The following SCAPER variants were observed in gnomAD, a reference collection of about 807,000 sequenced individuals.
The protein encoded by SCAPER is S phase cyclin A-associated protein in the endoplasmic reticulum.
In SCAPER, 98 loss-of-function variants were observed where a neutral mutation model predicts 182.2. That is an observed-to-expected ratio of 0.54 (90% CI 0.46 to 0.64). The LOEUF (loss-of-function observed/expected upper bound fraction) is 0.64. Among genes scored for constraint, SCAPER ranks in the 30% least tolerant of loss-of-function variants. The probability of loss-of-function intolerance (pLI) is 0.00; values close to 1 mark genes in which losing one functional copy is unlikely to be tolerated. For synonymous variants in SCAPER, 605 were observed against 564.6 expected, an observed-to-expected ratio of 1.07 and a Z score of -1.01; for missense variants, 1,432 against 1,690.0, an observed-to-expected ratio of 0.85 and a Z score of 2.68.
intron 26 of SCAPER, among the ~76,000 whole-genome samples, chr15:76,407,061 T>C (rs2142172199): frequency 6.6e-6 from 1 of 152,114 alleles, no homozygotes; most frequent in Middle Eastern, 3.4e-3. Flanking sequence ...TAAAGCCAAG[T>C]AGAGATAAGT....
intron 24 of SCAPER, among the ~76,000 whole-genome samples, chr15:76,494,755 GA>G (rs1281299982): frequency 4.0e-5 from 6 of 151,870 alleles, no homozygotes; most frequent in African/African-American, 1.5e-4. Flanking sequence ...TGATTGATAA[GA>G]TATTCTATCT....
At chr15:76,609,994 T>C (rs1446435563) in intron 22 of SCAPER, among the ~76,000 whole-genome samples, 1 of 151,814 alleles carries the variant, frequency 6.6e-6, no homozygotes, top group Admixed American at 6.5e-5. Flanking sequence ...TCTGGTGAAA[T>C]AGTTTTTTCT....
intron 27 of SCAPER, among the ~76,000 whole-genome samples, chr15:76,402,114 G>T (rs1317686488): frequency 6.6e-6 from 1 of 152,102 alleles, no homozygotes; most frequent in Non-Finnish European, 1.5e-5. Flanking sequence ...GCGACAGAGT[G>T]AGTAAGATTC....
At chr15:76,603,601 A>G (rs374807288) in intron 22 of SCAPER, among the ~76,000 whole-genome samples, 1 of 121,866 alleles carries the variant, frequency 8.2e-6, no homozygotes, top group Admixed American at 9.3e-5. Flanking sequence ...CTGAGGAATC[A>G]CCACACTGAC....
chr15:76,381,980 C>T (rs946532049), intron 27 of SCAPER, among the ~76,000 whole-genome samples: 2 of 152,182 alleles, frequency 1.3e-5, no homozygotes, highest in Non-Finnish European at 2.9e-5. Context: ...GCCAAAAACA[C>T]TCCTAGCTTC....
chr15:76,504,122 A>G (rs374087472), intron 24 of SCAPER, among the ~76,000 whole-genome samples: 3 of 152,196 alleles, frequency 2.0e-5, no homozygotes, highest in East Asian at 3.9e-4. Flanking sequence ...TTCTGGCCTC[A>G]AGTGATCCTC....
At chr15:76,760,709 G>C (rs879314856) in intron 14 of SCAPER, among the ~76,000 whole-genome samples, 2 of 152,138 alleles carry the variant, frequency 1.3e-5, no homozygotes, top group Non-Finnish European at 2.9e-5. Context: ...CTCTGTTTCA[G>C]ATGCTCTTAT....
intron 16 of SCAPER, among the ~76,000 whole-genome samples, chr15:76,730,900 C>T (rs2060886405): frequency 6.6e-6 from 1 of 152,048 alleles, no homozygotes. Context: ...CAGACCAACT[C>T]CAACATTGTA....
chr15:76,701,741 A>C lies in SCAPER; in HGVS notation c.2508+17T>G, dbSNP rs2058963062. The C allele has an allele frequency of 6.3e-7, 1 of 1,595,818 alleles. No individual in the cohort carries two copies. The highest frequency in any genetic ancestry group is 8.6e-7 in the Non-Finnish European group (1 of 1,163,690). On this transcript the variant is annotated intron_variant, in intron 20 of 31. Transcript: ENST00000563290. The stretch of plus-strand genomic sequence containing the variant: ...GTACTCAATAAACAATTGTAAATGA[A>C]CAAAAATAAAGTTTACCACTTCTTC...
At chr15:76,687,093 G>C (rs1330984307) in intron 20 of SCAPER, among the ~76,000 whole-genome samples, 1 of 152,038 alleles carries the variant, frequency 6.6e-6, no homozygotes, top group Non-Finnish European at 1.5e-5. Flanking sequence ...TAAATCTTTG[G>C]AATACATAAA....
At chr15:76,711,905 G>T (rs1243254283) in intron 17 of SCAPER, among the ~76,000 whole-genome samples, 3 of 152,064 alleles carry the variant, frequency 2.0e-5, no homozygotes, top group African/African-American at 7.2e-5. Flanking sequence ...CACTCTGATG[G>T]CAGTTTCTTT....
At chr15:76,826,243 T>A (rs1355270662) in intron 5 of SCAPER, among the ~76,000 whole-genome samples, 1 of 151,794 alleles carries the variant, frequency 6.6e-6, no homozygotes, top group Non-Finnish European at 1.5e-5. Context: ...TAAAAAATGA[T>A]GAGTTCATGT....
chr15:76,617,404 A>C (rs1298619224), intron 22 of SCAPER, among the ~76,000 whole-genome samples: 1 of 152,228 alleles, frequency 6.6e-6, no homozygotes, highest in African/African-American at 2.4e-5. Flanking sequence ...TTGCATCAGT[A>C]ATTACTTGCT....
chr15:76,654,308 T>C (rs1345061234), intron 21 of SCAPER, among the ~76,000 whole-genome samples: 1 of 152,070 alleles, frequency 6.6e-6, no homozygotes, highest in Non-Finnish European at 1.5e-5. Context: ...CTCGGGAGGC[T>C]GAGGCAGGAG....
At chr15:76,877,139 A>G (rs1372654937) in intron 2 of SCAPER, among the ~76,000 whole-genome samples, 1 of 151,280 alleles carries the variant, frequency 6.6e-6, no homozygotes, top group Middle Eastern at 3.2e-3. Context: ...TGAGCCCAGG[A>G]GGTCGAGGCA....
At chr15:76,879,148 C>A (rs1415270852) in intron 2 of SCAPER, among the ~76,000 whole-genome samples, 1 of 152,132 alleles carries the variant, frequency 6.6e-6, no homozygotes, top group East Asian at 1.9e-4. Flanking sequence ...GACTTTCATG[C>A]AGTTCCCCAT....
At chr15:76,617,941 A>G (rs2051645625) in intron 22 of SCAPER, among the ~76,000 whole-genome samples, 1 of 152,172 alleles carries the variant, frequency 6.6e-6, no homozygotes, top group African/African-American at 2.4e-5. Context: ...TCAAGTATTT[A>G]GATGTATTTC....
chr15:76,728,408 C>T lies in SCAPER; in HGVS notation c.2165+187G>A, dbSNP rs368469422. Among the ~76,000 whole-genome samples, 8 of 152,156 alleles carry T rather than the reference C, an allele frequency of 5.3e-5. No individual in the cohort carries two copies. In the East Asian group the frequency reaches 9.6e-4, roughly 18 times the overall value. The stretch of plus-strand genomic sequence containing the variant: ...TTTGATTTGAGTGTGGTGGTACACA[C>T]CTGTAGTCCAAGCTACTCAGGAGGG... On this transcript the variant is annotated intron_variant, in intron 17 of 31. Coordinates refer to ENST00000563290, the MANE Select transcript of SCAPER (RefSeq NM_020843.4).
chr15:76,354,393 GGT>G lies in SCAPER; in HGVS notation c.3856-255_3856-254del. ...AAAGTTATTATAATCCACGATTAAAGGTGTAGCTGCCACGGAGTAAGGACGCC... is the reference window on the plus strand; with the variant it reads ...AAAGTTATTATAATCCACGATTAAAGGTAGCTGCCACGGAGTAAGGACGCC... On this transcript the variant is annotated intron_variant, in intron 29 of 31. Transcript: ENST00000563290. The surrounding 1 kb of genome is among the most constrained non-coding windows in gnomAD (Gnocchi z 4.4). 1.0e-5 allele frequency: 4 copies of G among 384,946 alleles called. No individual in the cohort carries two copies. The highest frequency in any genetic ancestry group is 1.8e-5 in the Non-Finnish European group (4 of 218,308). 23.8% of individuals were successfully genotyped at this position (384,946 alleles called of 1,614,324 possible). A position where few individuals can be genotyped will look rare whatever the true frequency, so the allele number is the denominator to read the frequency against.
Sources: gnomAD v4.1 joint callset for allele counts (sites outside exome capture counted in the v4.1 genomes callset) on GRCh38, gnomAD v4.1.1 for gene constraint, Gnocchi (gnomAD v3.1) non-coding constraint, MANE v1.5 for transcripts, NCBI Gene and HGNC (gene_info 2026-07-23, HGNC 2026-07-21) for gene names.